Variants in CFAP107 observed in about 807,000 individuals in gnomAD.
CFAP107 encodes cilia and flagella associated protein 107, also known as cilia- and flagella-associated protein 107.
At chr1:12,751,002 T>C in the CFAP107 span, among the ~76,000 whole-genome samples, 2,075 of 151,564 alleles carry the variant, frequency 0.014, 25 homozygotes, top group Non-Finnish European at 0.021. Context: ...GAAGAAATAC[T>C]GAAAAATCCA....
the CFAP107 span, among the ~76,000 whole-genome samples, chr1:12,757,492 C>T: frequency 2.0e-5 from 3 of 151,818 alleles, no homozygotes; most frequent in Non-Finnish European, 2.9e-5. Flanking sequence ...AACAATTCTC[C>T]TTGCCTCAGC....
At chr1:12,759,737 A>G in the CFAP107 span, 7 of 566,244 alleles carry the variant, frequency 1.2e-5, no homozygotes, top group Non-Finnish European at 6.4e-6. Flanking sequence ...GGCTTAGAGC[A>G]CAGGTGGCAG....
the CFAP107 span, chr1:12,746,268 T>G: frequency 2.4e-3 from 1,161 of 476,482 alleles, no homozygotes; most frequent in East Asian, 4.0e-3. Context: ...TTGGGGCCGT[T>G]TTATTCTCTG....
At chr1:12,746,601 G>A in the CFAP107 span, 2 of 1,242,764 alleles carry the variant, frequency 1.6e-6, no homozygotes, top group Admixed American at 1.7e-5. Context: ...AGAGGCAGGA[G>A]TGAAGTTCAT....
the CFAP107 span, among the ~76,000 whole-genome samples, chr1:12,757,141 A>G: frequency 6.6e-6 from 1 of 152,182 alleles, no homozygotes; most frequent in Non-Finnish European, 1.5e-5. Context: ...GCCTCTAACC[A>G]TCCATGTATG....
chr1:12,755,642 A>C, the CFAP107 span: 6 of 1,192,282 alleles, frequency 5.0e-6, no homozygotes, highest in Non-Finnish European at 7.5e-6. Context: ...AAGGGGACCC[A>C]GCAGAAGTTT....
the CFAP107 span, chr1:12,761,127 G>T: frequency 3.4e-6 from 2 of 579,762 alleles, no homozygotes; most frequent in East Asian, 3.0e-5. Flanking sequence ...AAACCCACAG[G>T]TTCCTTTCTT....
the CFAP107 span, chr1:12,755,549 G>C: frequency 3.0e-6 from 2 of 659,310 alleles, no homozygotes; most frequent in South Asian, 3.3e-5. Flanking sequence ...CCGTCCCCGA[G>C]CAAGCTCTTT....
the CFAP107 span, chr1:12,762,739 T>G: frequency 6.6e-6 from 1 of 152,578 alleles, no homozygotes. Context: ...GGTAAATGGC[T>G]GCAGGACAGA....
chr1:12,758,309 A>C, the CFAP107 span, among the ~76,000 whole-genome samples: 4 of 152,156 alleles, frequency 2.6e-5, no homozygotes, highest in Non-Finnish European at 4.4e-5. Context: ...ACCCCAAATC[A>C]AGAGAAACTG....
the CFAP107 span, among the ~76,000 whole-genome samples, chr1:12,758,887 C>T: frequency 1.3e-5 from 2 of 152,180 alleles, no homozygotes; most frequent in African/African-American, 4.8e-5. Context: ...ATAAGGCATA[C>T]ATGTCAGGCT....
the CFAP107 span, chr1:12,761,184 A>G: frequency 6.1e-6 from 3 of 493,172 alleles, no homozygotes; most frequent in Non-Finnish European, 3.6e-6. Context: ...AGGGCTATGT[A>G]CGTGCACAAG....
At chr1:12,748,489 A>T in the CFAP107 span, among the ~76,000 whole-genome samples, 680 of 151,506 alleles carry the variant, frequency 4.5e-3, 6 homozygotes, top group African/African-American at 0.016. Flanking sequence ...AACCACACAC[A>T]GGTCCAGGCA....
chr1:12,755,393 G>A, the CFAP107 span, among the ~76,000 whole-genome samples: 2 of 144,986 alleles, frequency 1.4e-5, no homozygotes, highest in Non-Finnish European at 3.0e-5. Flanking sequence ...GACAGAGTGA[G>A]ACTCCATGTC....
At chr1:12,748,388 C>A in the CFAP107 span, among the ~76,000 whole-genome samples, 1 of 148,724 alleles carries the variant, frequency 6.7e-6, no homozygotes, top group Non-Finnish European at 1.5e-5. Flanking sequence ...CATCTGAAGT[C>A]GAAGAAGAAG....
At chr1:12,751,176 A>G in the CFAP107 span, among the ~76,000 whole-genome samples, 1 of 152,188 alleles carries the variant, frequency 6.6e-6, no homozygotes, top group African/African-American at 2.4e-5. Context: ...ACATTAAAAA[A>G]GAAGAAATAT....
the CFAP107 span, chr1:12,761,312 T>C: frequency 5.7e-6 from 1 of 174,402 alleles, no homozygotes; most frequent in East Asian, 1.5e-4. Context: ...TCTACTCCCA[T>C]GGAGGAAATG....
At chr1:12,755,955 G>A in the CFAP107 span, 1 of 616,830 alleles carries the variant, frequency 1.6e-6, no homozygotes, top group East Asian at 2.8e-5. Flanking sequence ...CCCGGGGGCT[G>A]CAGATAGCAC....
the CFAP107 span, among the ~76,000 whole-genome samples, chr1:12,747,748 G>A: frequency 6.6e-6 from 1 of 152,192 alleles, no homozygotes; most frequent in Non-Finnish European, 1.5e-5. Flanking sequence ...GTGTGTGCAA[G>A]AGAAGTTCCA....
Sources: gnomAD v4.1 joint callset for allele counts (sites outside exome capture counted in the v4.1 genomes callset) on GRCh38, gnomAD v4.1.1 for gene constraint, MANE v1.5 for transcripts, NCBI Gene and HGNC (gene_info 2026-07-23, HGNC 2026-07-21) for gene names.